CNTNAP2: variants seen among roughly 807,000 people sequenced by gnomAD.
CNTNAP2 encodes the protein contactin associated protein 2.
CNTNAP2 carries 98 observed loss-of-function variants against 155.2 expected under a neutral mutation model. The observed-to-expected ratio is 0.63, with a 90% CI of 0.54 to 0.75. CNTNAP2 has a LOEUF of 0.75. CNTNAP2 is among the 30% of genes least tolerant of loss of function. The pLI, the probability that CNTNAP2 is intolerant of heterozygous loss-of-function variation, is 0.00. For synonymous variants in CNTNAP2, 651 were observed against 631.2 expected (o/e 1.03, Z -0.47); for missense variants, 1,727 against 1,688.1 (o/e 1.02, Z -0.40).
chr7:147,332,284 T>C (rs556898634), intron 9 of CNTNAP2, among the ~76,000 whole-genome samples: 4 of 152,184 alleles, frequency 2.6e-5, no homozygotes, highest in Non-Finnish European at 4.4e-5. Flanking sequence ...CATTTGAAGA[T>C]ACAGAAAAGA....
chr7:147,598,673 T>C lies in CNTNAP2; in HGVS notation c.1897+36416T>C, dbSNP rs1800877546. On this transcript the variant is annotated intron_variant, in intron 12 of 23. Coordinates refer to ENST00000361727, the MANE Select transcript of CNTNAP2 (RefSeq NM_014141.6). ...AATATTTTCTTATGTCTGCTATCATTGGGTGATATGGTTTGGCTGTGTCCC... is the reference window on the plus strand; with the variant it reads ...AATATTTTCTTATGTCTGCTATCATCGGGTGATATGGTTTGGCTGTGTCCC... 3.3e-5 allele frequency among the ~76,000 whole-genome samples: 5 copies of C among 152,280 alleles called. No individual in the cohort carries two copies. In the South Asian group the frequency reaches 1.0e-3, roughly 32 times the overall value.
chr7:146,371,365 GTT>G (rs58066282), intron 1 of CNTNAP2, among the ~76,000 whole-genome samples: 35 of 98,532 alleles, frequency 3.6e-4, no homozygotes, highest in African/African-American at 1.4e-3. Flanking sequence ...GCCAGTATTA[GTT>G]TTTTTTTTTT....
chr7:147,922,693 G>A (rs568787796), intron 14 of CNTNAP2, among the ~76,000 whole-genome samples: 15 of 152,278 alleles, frequency 9.9e-5, no homozygotes, highest in African/African-American at 3.6e-4. Flanking sequence ...TCTTGTGGCT[G>A]CCCATCCATT....
At chr7:147,186,490 A>T (rs778067227) in intron 8 of CNTNAP2, among the ~76,000 whole-genome samples, 2 of 152,118 alleles carry the variant, frequency 1.3e-5, no homozygotes, top group Non-Finnish European at 2.9e-5. Flanking sequence ...ACATAGCTAG[A>T]GTTCAGGTCT....
At chr7:146,224,615 T>C (rs1318123600) in intron 1 of CNTNAP2, among the ~76,000 whole-genome samples, 10 of 148,180 alleles carry the variant, frequency 6.7e-5, no homozygotes, top group Non-Finnish European at 1.5e-4. Context: ...GTAGTAATAA[T>C]AAAAGTAGCC....
At chr7:147,485,862 C>G in intron 10 of CNTNAP2, 73 bp from the exon 11 acceptor site, 2 of 1,421,624 alleles carry the variant, frequency 1.4e-6, no homozygotes, top group East Asian at 2.3e-5. Context: ...ATTGCCCAGA[C>G]AGCTTGGAAT....
intron 1 of CNTNAP2, among the ~76,000 whole-genome samples, chr7:146,611,709 C>G (rs186369775): frequency 6.6e-6 from 1 of 152,124 alleles, no homozygotes; most frequent in Non-Finnish European, 1.5e-5. Context: ...CTTATTAAAA[C>G]TCTGCAAGGG....
At chr7:148,295,627 G>A (rs1797267439) in intron 21 of CNTNAP2, among the ~76,000 whole-genome samples, 2 of 135,776 alleles carry the variant, frequency 1.5e-5, no homozygotes, top group Non-Finnish European at 3.2e-5. Context: ...GAGTAGCTGG[G>A]ACTACCGGTG....
chr7:148,200,257 G>T (rs530375597), intron 18 of CNTNAP2, among the ~76,000 whole-genome samples: 35 of 152,264 alleles, frequency 2.3e-4, no homozygotes, highest in African/African-American at 7.7e-4. Flanking sequence ...TTTTTACATA[G>T]ATTACATGTT....
chr7:147,702,442 T>C (rs1483653608), intron 13 of CNTNAP2, among the ~76,000 whole-genome samples: 1 of 152,018 alleles, frequency 6.6e-6, no homozygotes, highest in African/African-American at 2.4e-5. Flanking sequence ...AATCTTGATG[T>C]GTAATGTAAT....
At position 146,478,153 on chromosome 7, in the gene CNTNAP2, A is replaced by G. The variant is rs895309281; in HGVS notation, c.98-296118A>G. Among the ~76,000 whole-genome samples, 10 of 152,070 alleles carry G rather than the reference A, an allele frequency of 6.6e-5. 1 individual carries two copies. In the East Asian group the frequency reaches 1.9e-3, roughly 29 times the overall value. On this transcript the variant is annotated intron_variant, in intron 1 of 23. Transcript: ENST00000361727. ...TTGCGGCTTTTCTTTCCTCATTCAT[A>G]TCTCGTCAATTAATTTTCCCCTTTA...
intron 1 of CNTNAP2, among the ~76,000 whole-genome samples, chr7:146,626,331 A>T (rs1799418582): frequency 6.6e-6 from 1 of 152,128 alleles, no homozygotes; most frequent in South Asian, 2.1e-4. Context: ...TTGGTTTGCA[A>T]ATCAGGTTCT....
intron 18 of CNTNAP2, among the ~76,000 whole-genome samples, chr7:148,213,826 A>G (rs1336800473): frequency 6.6e-6 from 1 of 152,160 alleles, no homozygotes; most frequent in Non-Finnish European, 1.5e-5. Context: ...CAGACTCTGA[A>G]CTACTGAGGG....
chr7:146,333,697 A>G (rs532046091), intron 1 of CNTNAP2, among the ~76,000 whole-genome samples: 22 of 152,360 alleles, frequency 1.4e-4, no homozygotes, highest in African/African-American at 5.3e-4. Flanking sequence ...GTCATGGCTC[A>G]AACATGATAG....
chr7:146,892,622 A>T (rs1009844326), intron 3 of CNTNAP2, among the ~76,000 whole-genome samples: 8 of 152,168 alleles, frequency 5.3e-5, no homozygotes, highest in Non-Finnish European at 8.8e-5. Context: ...GCCAAGAATT[A>T]TATCTTAGCT....
intron 9 of CNTNAP2, among the ~76,000 whole-genome samples, chr7:147,390,914 C>A (rs370065459): frequency 1.3e-5 from 2 of 152,026 alleles, no homozygotes; most frequent in South Asian, 4.2e-4. Context: ...TTTCCACACA[C>A]GAAGTACACC....
chr7:146,506,811 T>C (rs1170558096), intron 1 of CNTNAP2, among the ~76,000 whole-genome samples: 1 of 152,194 alleles, frequency 6.6e-6, no homozygotes, highest in African/African-American at 2.4e-5. Flanking sequence ...TATTAAACCA[T>C]ATGGTATCAG....
At chr7:146,819,692 C>T (rs999243646) in intron 2 of CNTNAP2, among the ~76,000 whole-genome samples, 2 of 152,120 alleles carry the variant, frequency 1.3e-5, no homozygotes, top group Non-Finnish European at 2.9e-5. Context: ...CAAGTTAAGA[C>T]TAAAACACAG....
chr7:147,716,074 G>C (rs897678995), intron 13 of CNTNAP2, among the ~76,000 whole-genome samples: 1 of 152,276 alleles, frequency 6.6e-6, no homozygotes, highest in African/African-American at 2.4e-5. Context: ...AAGAGAGCCA[G>C]TTCTTACTCT....
Sources: allele counts gnomAD v4.1 joint callset (sites outside exome capture counted in the v4.1 genomes callset), GRCh38; gene constraint gnomAD v4.1.1; transcripts MANE v1.5; gene names NCBI Gene and HGNC (gene_info 2026-07-23, HGNC 2026-07-21).